Variants in CUX1 observed in about 807,000 individuals in gnomAD.
The protein encoded by CUX1 is protein CASP.
A neutral mutation model predicts 158.8 loss-of-function variants in CUX1; 31 were observed. The ratio of observed to expected loss-of-function variants is 0.20; its 90% confidence interval spans 0.15 to 0.26. CUX1 has a LOEUF of 0.26. Ranked by LOEUF, CUX1 falls within the 10% of genes least tolerant of loss-of-function variation. The probability of loss-of-function intolerance (pLI) is 1.00; values close to 1 mark genes in which losing one functional copy is unlikely to be tolerated. For synonymous variants in CUX1, 879 were observed against 862.1 expected (o/e 1.02, Z -0.34); for missense variants, 1,589 against 2,014.6 (o/e 0.79, Z 4.04).
At chr7:102,240,838 T>C (rs1240624663) in intron 23 of CUX1, among the ~76,000 whole-genome samples, 1 of 152,110 alleles carries the variant, frequency 6.6e-6, no homozygotes, top group African/African-American at 2.4e-5. Context: ...TGTTGTTGTT[T>C]GAGACGGAGC....
intron 3 of CUX1, among the ~76,000 whole-genome samples, chr7:102,060,608 AACACACACACACACACAC>A (rs58786987): frequency 7.5e-5 from 10 of 133,306 alleles, no homozygotes; most frequent in African/African-American, 2.5e-4. Flanking sequence ...CACACAAATA[AACACACACACACACACAC>A]ACACACACAC....
intron 20 of CUX1, among the ~76,000 whole-genome samples, chr7:102,219,290 T>C (rs949628168): frequency 6.6e-6 from 1 of 151,994 alleles, no homozygotes; most frequent in African/African-American, 2.4e-5. Context: ...GGGGGGGACA[T>C]TGATCTTTCC....
At chr7:102,057,372 T>C (rs1161584042) in intron 3 of CUX1, among the ~76,000 whole-genome samples, 1 of 152,202 alleles carries the variant, frequency 6.6e-6, no homozygotes, top group East Asian at 1.9e-4. Context: ...TTTTAAGAAA[T>C]ACATTTTGTA....
chr7:102,089,535 C>G (rs1267500854), intron 4 of CUX1, among the ~76,000 whole-genome samples: 1 of 152,242 alleles, frequency 6.6e-6, no homozygotes, highest in Non-Finnish European at 1.5e-5. Flanking sequence ...TCAGGTGGGA[C>G]ACTTCCAGTG....
chr7:101,919,316 G>A (rs1804611482), intron 2 of CUX1, among the ~76,000 whole-genome samples: 1 of 152,130 alleles, frequency 6.6e-6, no homozygotes. Flanking sequence ...CCGTTTGTTT[G>A]GGGTCTCAGT....
Position 102,173,801 on chromosome 7 carries a change from GTGTTTACA to G in CUX1, c.828+3254_828+3261del, listed in dbSNP as rs1563350427. ...AACACTTCATCATCGGTTAAGTGCC[GTGTTTACA>G]TGGCACCGGTTCAGTCTCCCCAGAG... On this transcript the variant is annotated intron_variant, in intron 10 of 23. Transcript: ENST00000292535. Among the ~76,000 whole-genome samples the G allele has an allele frequency of 3.3e-5, 5 of 152,242 alleles. No homozygotes were observed. In the East Asian group the frequency reaches 9.7e-4, roughly 29 times the overall value.
intron 1 of CUX1, among the ~76,000 whole-genome samples, chr7:101,852,388 T>G (rs1382048854): frequency 6.6e-6 from 1 of 151,788 alleles, no homozygotes; most frequent in Non-Finnish European, 1.5e-5. Flanking sequence ...GAGGCCAAGG[T>G]GGGCTGATTG....
intron 3 of CUX1, among the ~76,000 whole-genome samples, chr7:102,053,295 T>A (rs1563180947): frequency 6.6e-6 from 1 of 152,196 alleles, no homozygotes; most frequent in East Asian, 1.9e-4. Flanking sequence ...GTTACTTTTA[T>A]TAAATATTTT....
At chr7:102,070,779 A>G (rs1374343105) in intron 4 of CUX1, among the ~76,000 whole-genome samples, 1 of 152,128 alleles carries the variant, frequency 6.6e-6, no homozygotes, top group African/African-American at 2.4e-5. Context: ...GCCACCTTTA[A>G]GACTTTAGGA....
At chr7:102,118,047 C>G (rs1055346424) in intron 8 of CUX1, among the ~76,000 whole-genome samples, 2 of 152,218 alleles carry the variant, frequency 1.3e-5, no homozygotes, top group African/African-American at 4.8e-5. Context: ...GAGACCTCCC[C>G]CACTGCCTTT....
intron 6 of CUX1, among the ~76,000 whole-genome samples, chr7:102,106,079 C>CTTT (rs782580660): frequency 3.3e-4 from 24 of 72,272 alleles, no homozygotes; most frequent in South Asian, 5.7e-4. Flanking sequence ...TTTCTTTTTT[C>CTTT]TTTTTTTTTT....
At chr7:102,153,238 C>T (rs1554504071) in intron 8 of CUX1, 1 of 152,326 alleles carries the variant, frequency 6.6e-6, no homozygotes, top group Admixed American at 6.5e-5. Flanking sequence ...CCCCATAAAC[C>T]TGGCAGGAAC....
intron 11 of CUX1, among the ~76,000 whole-genome samples, chr7:102,182,226 G>T (rs528951063): frequency 6.6e-6 from 1 of 152,310 alleles, no homozygotes; most frequent in South Asian, 2.1e-4. Flanking sequence ...ATGTGCCAGG[G>T]TGTTTGGTGA....
chr7:102,180,162 A>G (rs1554513507), intron 11 of CUX1, among the ~76,000 whole-genome samples: 1 of 151,862 alleles, frequency 6.6e-6, no homozygotes, highest in East Asian at 1.9e-4. Flanking sequence ...TAACTGAACT[A>G]CAGTCACGCG....
At chr7:102,223,885 T>C (rs1415754381) in intron 20 of CUX1, among the ~76,000 whole-genome samples, 1 of 151,946 alleles carries the variant, frequency 6.6e-6, no homozygotes, top group Non-Finnish European at 1.5e-5. Context: ...AGGAGAATCG[T>C]TTGAACCCGG....
rs112013709 is a variant in CUX1 at position 102,272,608 on chromosome 7, G to A, written c.1256-758G>A. On this transcript the variant is annotated intron_variant, in intron 14 of 22. Transcript: ENST00000292538. Reference sequence around the variant, plus strand: ...AGGGCCAAACCTCACCCTCAGGGCTGCCTGGCTCCTGGGTCACTGAAGTCC... The same window carrying A: ...AGGGCCAAACCTCACCCTCAGGGCTACCTGGCTCCTGGGTCACTGAAGTCC... 6.0e-3 allele frequency among the ~76,000 whole-genome samples: 911 copies of A among 152,364 alleles called. 11 individuals are homozygous for A. Among genetic ancestry groups the A allele is most frequent in the African/African-American group, 0.021 (869 of 41,594 alleles).
chr7:101,930,254 A>G (rs1164850452), intron 2 of CUX1, among the ~76,000 whole-genome samples: 1 of 152,210 alleles, frequency 6.6e-6, no homozygotes, highest in African/African-American at 2.4e-5. Flanking sequence ...AAAGGATTCT[A>G]TATGTCAGGG....
intron 2 of CUX1, among the ~76,000 whole-genome samples, chr7:101,986,444 A>G (rs909265923): frequency 9.9e-5 from 15 of 152,242 alleles, no homozygotes; most frequent in African/African-American, 3.4e-4. Flanking sequence ...TGTTCGTCTC[A>G]TGACTCACTT....
intron 2 of CUX1, among the ~76,000 whole-genome samples, chr7:101,998,565 A>T (rs1816268402): frequency 6.6e-6 from 1 of 152,012 alleles, no homozygotes; most frequent in African/African-American, 2.4e-5. Flanking sequence ...TTTGGGGGAG[A>T]AGTAGTATTT....
Sources: allele counts gnomAD v4.1 joint callset (sites outside exome capture counted in the v4.1 genomes callset), GRCh38; gene constraint gnomAD v4.1.1; transcripts MANE v1.5; gene names NCBI Gene and HGNC (gene_info 2026-07-23, HGNC 2026-07-21).